Variants in IQCM observed in about 807,000 individuals in gnomAD.
IQCM encodes IQ motif containing M.
A neutral mutation model predicts 57.6 loss-of-function variants in IQCM; 45 were observed. That is an observed-to-expected ratio of 0.78 (90% CI 0.62 to 1.00). The LOEUF (loss-of-function observed/expected upper bound fraction) is 1.00. Among genes scored for constraint, IQCM ranks in the 50% least tolerant of loss-of-function variants. The pLI, the probability that IQCM is intolerant of heterozygous loss-of-function variation, is 0.00. For missense variants in IQCM, 468 were observed against 511.6 expected, an observed-to-expected ratio of 0.91 and a Z score of 0.82; for synonymous variants, 148 against 158.9, an observed-to-expected ratio of 0.93 and a Z score of 0.51.
chr4:149,595,519 G>GT (rs1327345612), intron 8 of IQCM, among the ~76,000 whole-genome samples: 1 of 152,076 alleles, frequency 6.6e-6, no homozygotes, highest in African/African-American at 2.4e-5. Flanking sequence ...AAACTGAAGA[G>GT]TTTTTTTCTG....
At chr4:149,637,067 C>T (rs1201038064) in intron 7 of IQCM, among the ~76,000 whole-genome samples, 2 of 147,348 alleles carry the variant, frequency 1.4e-5, no homozygotes, top group Non-Finnish European at 3.0e-5. Context: ...GGCGTGAACC[C>T]GGGAAGCGGA....
intron 5 of IQCM, among the ~76,000 whole-genome samples, chr4:149,724,448 G>A (rs1008961932): frequency 2.0e-5 from 3 of 151,740 alleles, no homozygotes; most frequent in African/African-American, 7.3e-5. Context: ...TGGAGACCAA[G>A]GAACACATAA....
At chr4:149,361,622 T>C (rs1729494313) in intron 13 of IQCM, among the ~76,000 whole-genome samples, 1 of 152,108 alleles carries the variant, frequency 6.6e-6, no homozygotes, top group South Asian at 2.1e-4. Flanking sequence ...AACTTCCACA[T>C]GGTGTTGAGC....
chr4:149,669,185 G>C (rs1414990653), intron 7 of IQCM, among the ~76,000 whole-genome samples: 2 of 152,152 alleles, frequency 1.3e-5, no homozygotes. Context: ...ACTGGTATGA[G>C]ATGGTATCTC....
chr4:149,419,065 C>T (rs1408887233), intron 13 of IQCM, among the ~76,000 whole-genome samples: 1 of 152,044 alleles, frequency 6.6e-6, no homozygotes, highest in Admixed American at 6.6e-5. Context: ...GCCATACTGC[C>T]CAAAGTAATT....
At chr4:149,769,292 T>G (rs1270657861) in intron 2 of IQCM, among the ~76,000 whole-genome samples, 2 of 152,048 alleles carry the variant, frequency 1.3e-5, no homozygotes, top group African/African-American at 4.8e-5. Flanking sequence ...TTCAACTGCC[T>G]GCTGGACATA....
intron 7 of IQCM, among the ~76,000 whole-genome samples, chr4:149,628,969 G>GA (rs1003263151): frequency 6.6e-5 from 10 of 152,120 alleles, no homozygotes; most frequent in African/African-American, 1.7e-4. Flanking sequence ...TAAAGGCTAG[G>GA]AAAAAACACC....
At chr4:149,371,608 C>T (rs1227157939) in intron 13 of IQCM, among the ~76,000 whole-genome samples, 5 of 152,120 alleles carry the variant, frequency 3.3e-5, no homozygotes, top group Admixed American at 2.0e-4. Flanking sequence ...ATATGGACCT[C>T]GGATTTTGCG....
At chr4:149,469,446 C>A (rs1227131646) in intron 12 of IQCM, among the ~76,000 whole-genome samples, 1 of 152,144 alleles carries the variant, frequency 6.6e-6, no homozygotes, top group Non-Finnish European at 1.5e-5. Context: ...AAGAAATGAA[C>A]AAAGCCTCAA....
intron 13 of IQCM, among the ~76,000 whole-genome samples, chr4:149,421,363 T>G (rs922017912): frequency 6.6e-6 from 1 of 151,924 alleles, no homozygotes; most frequent in South Asian, 2.1e-4. Context: ...ACCAAAAATA[T>G]GAAGAGAACA....
At chr4:149,519,119 C>A (rs376755385) in intron 12 of IQCM, among the ~76,000 whole-genome samples, 4 of 152,090 alleles carry the variant, frequency 2.6e-5, no homozygotes, top group East Asian at 1.9e-4. Context: ...AGATAGAAAT[C>A]GCCTTTCTGA....
At chr4:149,416,755 A>G (rs780205319) in intron 13 of IQCM, among the ~76,000 whole-genome samples, 1 of 152,168 alleles carries the variant, frequency 6.6e-6, no homozygotes, top group Non-Finnish European at 1.5e-5. Flanking sequence ...CATAGTTATA[A>G]ACCCTTCTGC....
chr4:149,468,090 G>A (rs1739063173), intron 12 of IQCM, among the ~76,000 whole-genome samples: 1 of 152,186 alleles, frequency 6.6e-6, no homozygotes, highest in South Asian at 2.1e-4. Context: ...CAGAAGATGG[G>A]TGTTTTCTGC....
At chr4:149,502,536 T>C (rs535180099) in intron 12 of IQCM, among the ~76,000 whole-genome samples, 13 of 152,042 alleles carry the variant, frequency 8.6e-5, no homozygotes, top group Admixed American at 2.0e-4. Flanking sequence ...TAGCCAGATA[T>C]GGTGCATGCA....
At chr4:149,808,002 G>C (rs769190206) in intron 2 of IQCM, among the ~76,000 whole-genome samples, 5 of 152,052 alleles carry the variant, frequency 3.3e-5, no homozygotes, top group Non-Finnish European at 7.4e-5. Context: ...TGTGAAGAAT[G>C]GTATGGAAGT....
intron 8 of IQCM, among the ~76,000 whole-genome samples, chr4:149,603,185 G>C (rs2654829): frequency 6.6e-6 from 1 of 151,810 alleles, no homozygotes; most frequent in Non-Finnish European, 1.5e-5. Context: ...TATTGTTATA[G>C]TAATTATGGT....
intron 13 of IQCM, chr4:149,430,059 C>G: frequency 8.3e-7 from 1 of 1,197,732 alleles, no homozygotes; most frequent in Non-Finnish European, 1.0e-6. Context: ...CAGTCAGGTT[C>G]TTAATTCATC....
At chr4:149,380,977 G>C (rs1337656480) in intron 13 of IQCM, among the ~76,000 whole-genome samples, 1 of 152,142 alleles carries the variant, frequency 6.6e-6, no homozygotes, top group Non-Finnish European at 1.5e-5. Context: ...GCTTAGATGT[G>C]TAACAGTCAT....
At chr4:149,405,276 C>T (rs1172219995) in intron 13 of IQCM, among the ~76,000 whole-genome samples, 2 of 152,018 alleles carry the variant, frequency 1.3e-5, no homozygotes, top group East Asian at 3.9e-4. Context: ...CTTCCTAGGT[C>T]CTCATTCTAC....
Sources: allele counts gnomAD v4.1 joint callset (sites outside exome capture counted in the v4.1 genomes callset), GRCh38; gene constraint gnomAD v4.1.1; transcripts MANE v1.5; gene names NCBI Gene and HGNC (gene_info 2026-07-23, HGNC 2026-07-21).